The following CPSF3 variants were observed in gnomAD, a reference collection of about 807,000 sequenced individuals.
The protein encoded by CPSF3 is cleavage and polyadenylation specific factor 3, also known as cleavage and polyadenylation specificity factor subunit 3.
A neutral mutation model predicts 84.1 loss-of-function variants in CPSF3; 57 were observed. That is an observed-to-expected ratio of 0.68 (90% CI 0.55 to 0.85). The LOEUF is 0.85. Ranked by LOEUF, CPSF3 falls within the 40% of genes least tolerant of loss-of-function variation. CPSF3 has a pLI of 0.00. For synonymous variants in CPSF3, 275 were observed against 278.1 expected (o/e 0.99, Z 0.11); for missense variants, 522 against 838.8 (o/e 0.62, Z 4.66).
chr2:9,472,597 C>T (rs1035412793), intron 17 of CPSF3, among the ~76,000 whole-genome samples: 4 of 152,126 alleles, frequency 2.6e-5, no homozygotes, highest in Non-Finnish European at 5.9e-5. Context: ...GTGTGTAGGG[C>T]GGCCGTTCTG....
chr2:9,456,767 C>A (rs1484487121), intron 13 of CPSF3, among the ~76,000 whole-genome samples, 166 bp from the exon 14 acceptor site: 1 of 152,170 alleles, frequency 6.6e-6, no homozygotes, highest in Non-Finnish European at 1.5e-5. Flanking sequence ...CATGTTCAGA[C>A]CTTTCCGTTG....
chr2:9,470,866 C>A (rs1682139783), intron 16 of CPSF3, among the ~76,000 whole-genome samples: 2 of 152,180 alleles, frequency 1.3e-5, no homozygotes. Context: ...TGTGTATTTT[C>A]CCTGTTTTAT....
chr2:9,424,001 G>A, intron 1 of CPSF3, 178 bp downstream of exon 1: 1 of 1,421,568 alleles, frequency 7.0e-7, no homozygotes, highest in Non-Finnish European at 9.2e-7. Context: ...GATCGGAAGG[G>A]GCCTGCTATA....
In CPSF3 at chr2:9,429,988, C is replaced by T. The variant is rs1427974070; in HGVS notation, c.180C>T (p.Asp60=). Residue 60 remains aspartate (D), a synonymous_variant, in exon 3 of 18, where the codon GAC becomes GAT. Coordinates refer to ENST00000238112, the MANE Select transcript of CPSF3 (RefSeq NM_016207.4). ...CTCTTCCTTATATTGATTTAATTGA[C>T]CCAGCTGAGATTGATCTCCTATTAA... ...MDALPYIDLI[D]PAEIDLLLIS... The T allele has an allele frequency of 3.2e-6, 5 of 1,580,526 alleles. No homozygotes were observed. The African/African-American group carries it at 6.9e-5, about 22-fold the overall frequency.
chr2:9,447,891 T>C (rs548954830), intron 10 of CPSF3, among the ~76,000 whole-genome samples: 46 of 152,298 alleles, frequency 3.0e-4, no homozygotes, highest in South Asian at 1.2e-3. Context: ...AGTCAGCCCT[T>C]TACAACTGTG....
intron 13 of CPSF3, among the ~76,000 whole-genome samples, chr2:9,456,170 C>T (rs922608187): frequency 6.6e-6 from 1 of 151,898 alleles, no homozygotes; most frequent in African/African-American, 2.4e-5. Context: ...GTCTATACAG[C>T]AGGTTTTATA....
At chr2:9,447,518 G>A (rs1172001808) in intron 10 of CPSF3, among the ~76,000 whole-genome samples, 1 of 152,032 alleles carries the variant, frequency 6.6e-6, no homozygotes, top group Non-Finnish European at 1.5e-5. Flanking sequence ...AGGCACAGTG[G>A]CTCAAGCCTG....
chr2:9,453,675 G>A (rs1455910408), intron 12 of CPSF3, among the ~76,000 whole-genome samples: 4 of 151,848 alleles, frequency 2.6e-5, no homozygotes, highest in South Asian at 2.1e-4. Context: ...GGTGGATCAC[G>A]AGGTCAAGAG....
chr2:9,459,638 C>CTTTTTTTTTTTTTTTTTTTTTTT lies in CPSF3; in HGVS notation c.1786+26_1786+48dup, dbSNP rs543727439. 3.6e-6 allele frequency: 1 copy of CTTTTTTTTTTTTTTTTTTTTTTT among 278,996 alleles called. No individual in the cohort carries two copies. The highest frequency in any genetic ancestry group is 4.4e-5 in the African/African-American group (1 of 22,846). The allele number at this position is 278,996 out of a possible 1,614,324, so 17.3% of individuals were successfully genotyped here. On this transcript the variant is annotated intron_variant, in intron 15 of 17. Coordinates refer to ENST00000238112, the MANE Select transcript of CPSF3 (RefSeq NM_016207.4). ...GAAAAGGTAAGAGTTCATTTTTATC[C>CTTTTTTTTTTTTTTTTTTTTTTT]TTTTTTTTTTTTTTTTTTTTTTTTT...
chr2:9,429,824 T>G, intron 2 of CPSF3, 99 bp from the exon 3 acceptor site: 16 of 740,452 alleles, frequency 2.2e-5, no homozygotes, highest in Non-Finnish European at 2.9e-5. Context: ...GAGTCCATCT[T>G]GAGTATATGG....
At chr2:9,442,720 C>T (rs1423976546) in intron 9 of CPSF3, among the ~76,000 whole-genome samples, 1 of 151,896 alleles carries the variant, frequency 6.6e-6, no homozygotes, top group East Asian at 1.9e-4. Context: ...GGCGTGGTGG[C>T]GTATGCCTGT....
chr2:9,457,161 G>GTA, intron 14 of CPSF3, 134 bp downstream of exon 14: 2 of 435,930 alleles, frequency 4.6e-6, no homozygotes, highest in Non-Finnish European at 7.7e-6. Context: ...GTGTGTGTGT[G>GTA]TGTGTGTGTG....
chr2:9,472,006 CAAA>C (rs35342941), intron 17 of CPSF3, among the ~76,000 whole-genome samples: 7 of 97,174 alleles, frequency 7.2e-5, no homozygotes, highest in African/African-American at 4.1e-5. Flanking sequence ...ACTCTGTCTC[CAAA>C]AAAAAAAAAA....
intron 5 of CPSF3, among the ~76,000 whole-genome samples, chr2:9,433,144 C>G (rs781063818): frequency 6.6e-6 from 1 of 152,150 alleles, no homozygotes; most frequent in African/African-American, 2.4e-5. Context: ...TTTGGGGAAG[C>G]CTTGAACTTC....
At chr2:9,463,811 G>A (rs1035614738) in intron 15 of CPSF3, among the ~76,000 whole-genome samples, 7 of 152,172 alleles carry the variant, frequency 4.6e-5, no homozygotes, top group Non-Finnish European at 1.0e-4. Flanking sequence ...AAACACAGCC[G>A]TGCGCACTGG....
In CPSF3 at chr2:9,448,206, C is replaced by G; in HGVS notation, c.1251C>G (p.Val417=). 1 of 1,588,180 alleles carries G rather than the reference C, an allele frequency of 6.3e-7. No homozygotes were observed. The highest frequency in any genetic ancestry group is 1.7e-4 in the Middle Eastern group (1 of 5,970). Residue 417 remains valine (V), a synonymous_variant, in exon 11 of 18, where the codon GTC becomes GTG. Transcript: ENST00000238112. ...ACATTTATTCTATGTAGATTTTAGT[C>G]CATGGAGAACAGAATGAAATGGCCA... ...RALKPPHVIL[V]HGEQNEMARL...
chr2:9,430,737 C>T lies in CPSF3; in HGVS notation c.213-15C>T. The T allele has an allele frequency of 6.3e-7, 1 of 1,596,588 alleles. No homozygotes were observed. Among genetic ancestry groups the T allele is most frequent in the Non-Finnish European group, 8.5e-7 (1 of 1,174,764 alleles). ...TAATAATTTTAAGAATTAATGCAGC[C>T]TCTTTCTTTTTAAGTTTCCATTTGG... On this transcript the variant is annotated splice_polypyrimidine_tract_variant and intron_variant, in intron 3 of 17. Coordinates refer to ENST00000238112, the MANE Select transcript of CPSF3 (RefSeq NM_016207.4).
chr2:9,425,481 A>G (rs559890046), intron 1 of CPSF3, among the ~76,000 whole-genome samples: 36 of 152,300 alleles, frequency 2.4e-4, no homozygotes, highest in Non-Finnish European at 4.7e-4. Flanking sequence ...AAAGATTCTA[A>G]GTCTAGCTGA....
chr2:9,428,879 G>A (rs749580523), intron 2 of CPSF3, 51 bp downstream of exon 2: 6 of 1,097,844 alleles, frequency 5.5e-6, no homozygotes, highest in Non-Finnish European at 2.8e-6. Flanking sequence ...GTCTGTATTG[G>A]GTGTTAGTCT....
Sources: allele counts gnomAD v4.1 joint callset (sites outside exome capture counted in the v4.1 genomes callset), GRCh38; gene constraint gnomAD v4.1.1; transcripts MANE v1.5; gene names NCBI Gene and HGNC (gene_info 2026-07-23, HGNC 2026-07-21).